The following MYL6B variants were observed in gnomAD, a reference collection of about 807,000 sequenced individuals.
The protein encoded by MYL6B is myosin alkali light chain 1 slow a.
A neutral mutation model predicts 24.5 loss-of-function variants in MYL6B; 19 were observed. The observed-to-expected ratio is 0.78, with a 90% CI of 0.54 to 1.14. MYL6B has a LOEUF of 1.14. Among genes scored for constraint, MYL6B ranks in the 50% most tolerant of loss-of-function variants. The pLI is 0.00. For missense variants in MYL6B, 230 were observed against 263.8 expected, an observed-to-expected ratio of 0.87 and a Z score of 0.89; for synonymous variants, 90 against 100.7, an observed-to-expected ratio of 0.89 and a Z score of 0.64.
exon 7 of MYL6B, chr12:56,157,757 G>A: frequency 6.2e-7 from 1 of 1,608,164 alleles, no homozygotes; most frequent in East Asian, 2.2e-5. Flanking sequence ...CCACCCCTTC[G>A]CCGCGCCTTA....
At position 56,157,526 on chromosome 12, in the gene MYL6B, C is replaced by CGGCT; in HGVS notation, c.581_584dup (p.Cys195TrpfsTer95). ...TTCTGGCAGGACACGAGGACAGCAACGGCTGCATCAACTACGAGGGTGAGG... is the reference window on the plus strand; with the variant it reads ...TTCTGGCAGGACACGAGGACAGCAACGGCTGGCTGCATCAACTACGAGGGTGAGG... On this transcript the variant is annotated frameshift_variant, in exon 6 of 7. Coordinates refer to ENST00000553066, the Ensembl canonical transcript of MYL6B. LOFTEE classifies it high-confidence loss of function. 6.2e-7 allele frequency: 1 copy of CGGCT among 1,613,372 alleles called. No individual in the cohort carries two copies. Among genetic ancestry groups the CGGCT allele is most frequent in the Non-Finnish European group, 8.5e-7 (1 of 1,179,838 alleles).
intron 2 of MYL6B, 76 bp downstream of exon 2, chr12:56,154,168 T>C: frequency 1.4e-6 from 2 of 1,423,756 alleles, no homozygotes. Flanking sequence ...GATTAGGGGG[T>C]ATCTAGAAGG....
intron 5 of MYL6B, 77 bp from the exon 6 acceptor site, chr12:56,157,389 CAA>C (rs895078479): frequency 2.5e-4 from 271 of 1,078,050 alleles, no homozygotes; most frequent in Non-Finnish European, 2.8e-4. Flanking sequence ...AACTCCGTCT[CAA>C]AAAAAAAAAG....
At chr12:56,157,843 C>G in exon 7 of MYL6B, 1 of 1,274,474 alleles carries the variant, frequency 7.8e-7, no homozygotes, top group Non-Finnish European at 1.1e-6. Flanking sequence ...GGTTGCTGCA[C>G]GGGCTCCAGC....
chr12:56,155,519 G>T (rs1704159834), exon 5 of MYL6B: 1 of 1,614,022 alleles, frequency 6.2e-7, no homozygotes, highest in Non-Finnish European at 8.5e-7. Flanking sequence ...ACTTGGAGGG[G>T]TTTCGTGTGT....
At chr12:56,153,747 T>C (rs1871196910) in intron 1 of MYL6B, 126 bp from the exon 2 acceptor site, 1 of 661,626 alleles carries the variant, frequency 1.5e-6, no homozygotes, top group African/African-American at 1.8e-5. Context: ...TCCTGAACCA[T>C]AGGAGGCCAG....
intron 6 of MYL6B, 71 bp from the exon 7 acceptor site, chr12:56,157,627 G>C: frequency 1.9e-6 from 3 of 1,613,192 alleles, no homozygotes; most frequent in African/African-American, 1.3e-5. Flanking sequence ...GGGCACCCCT[G>C]GATTACCTAG....
intron 5 of MYL6B, chr12:56,155,987 G>C: frequency 8.6e-7 from 1 of 1,168,184 alleles, no homozygotes; most frequent in South Asian, 1.7e-5. Context: ...CTGAGGCTAT[G>C]GGAGAAGAAG....
Position 56,154,793 on chromosome 12 carries a change from C to T in MYL6B, c.175-20C>T. 2 of 1,611,002 alleles carry T rather than the reference C, an allele frequency of 1.2e-6. No individual in the cohort carries two copies. The highest frequency in any genetic ancestry group is 1.7e-6 in the Non-Finnish European group (2 of 1,178,514). On this transcript the variant is annotated intron_variant, in intron 2 of 6. Transcript: ENST00000553066. Reference sequence around the variant, plus strand: ...TTGAATAAACTCTCATCTCTCCCCACCTGCTTTTTTCTTCCACAGATCGAG... The same window carrying T: ...TTGAATAAACTCTCATCTCTCCCCATCTGCTTTTTTCTTCCACAGATCGAG...
At chr12:56,154,725 C>T in intron 2 of MYL6B, 88 bp from the exon 3 acceptor site, 2 of 1,495,774 alleles carry the variant, frequency 1.3e-6, no homozygotes, top group African/African-American at 1.4e-5. Context: ...GGCCCCTCCT[C>T]AGAAGTGGCT....
chr12:56,155,915 CAGT>C (rs1253431093), intron 5 of MYL6B: 1 of 1,232,384 alleles, frequency 8.1e-7, no homozygotes, highest in Admixed American at 3.5e-5. Context: ...ATACTTTCAG[CAGT>C]ACTAGGGTGA....
Position 56,156,103 on chromosome 12 carries a change from C to T in MYL6B, c.520+511C>T, listed in dbSNP as rs144314116. ...GGCGGATCACCTTAGCTCGGGAGTT[C>T]GAGACCGGCCTGGCCAACATGGTAA... On this transcript the variant is annotated intron_variant, in intron 5 of 6. Coordinates refer to ENST00000553066, the Ensembl canonical transcript of MYL6B. 41 of 858,826 alleles carry T rather than the reference C, an allele frequency of 4.8e-5. 1 individual carries two copies. The highest frequency in any genetic ancestry group is 1.8e-4 in the African/African-American group (10 of 54,056). 53.2% of individuals were successfully genotyped at this position (858,826 alleles called of 1,614,324 possible). A position where few individuals can be genotyped will look rare whatever the true frequency, so the allele number is the denominator to read the frequency against.
At chr12:56,154,125 G>C (rs750170641) in intron 2 of MYL6B, 33 bp downstream of exon 2, 2 of 1,594,344 alleles carry the variant, frequency 1.3e-6, no homozygotes, top group Non-Finnish European at 1.7e-6. Context: ...TAGAATTGGA[G>C]GGGGTGGTTT....
chr12:56,154,014 C>G, exon 2 of MYL6B: 2 of 1,614,114 alleles, frequency 1.2e-6, no homozygotes, highest in Non-Finnish European at 1.7e-6. Flanking sequence ...CTCCTCCAGC[C>G]AAGACCAAAG....
At chr12:56,154,885 C>T in intron 3 of MYL6B, 45 bp downstream of exon 3, 1 of 1,597,110 alleles carries the variant, frequency 6.3e-7, no homozygotes, top group Non-Finnish European at 8.5e-7. Flanking sequence ...CCCCAATCCC[C>T]TGGTCAGATT....
intron 5 of MYL6B, chr12:56,157,182 G>A: frequency 2.6e-6 from 1 of 390,182 alleles, no homozygotes; most frequent in Non-Finnish European, 4.8e-6. Context: ...ATGACCTGAG[G>A]TCAAGAGTTT....
intron 1 of MYL6B, chr12:56,153,514 C>T: frequency 1.0e-6 from 1 of 982,030 alleles, no homozygotes; most frequent in Non-Finnish European, 1.2e-6. Context: ...GCTGCTACCC[C>T]TCACCCCACC....
chr12:56,155,937 G>A, intron 5 of MYL6B: 1 of 1,198,932 alleles, frequency 8.3e-7, no homozygotes, highest in Non-Finnish European at 1.1e-6. Context: ...GAAATGGAAA[G>A]CAAGAGGCAT....
At chr12:56,157,186 A>G in intron 5 of MYL6B, 1 of 390,942 alleles carries the variant, frequency 2.6e-6, no homozygotes, top group South Asian at 2.7e-5. Context: ...CCTGAGGTCA[A>G]GAGTTTGAGA....
Sources: gnomAD v4.1 joint callset for allele counts on GRCh38, gnomAD v4.1.1 for gene constraint, MANE v1.5 for transcripts, NCBI Gene and HGNC (gene_info 2026-07-23, HGNC 2026-07-21) for gene names.